The following DENND4A variants were observed in gnomAD, a reference collection of about 807,000 sequenced individuals.
The protein encoded by DENND4A is DENN domain containing 4A.
A neutral mutation model predicts 199.3 loss-of-function variants in DENND4A; 70 were observed. The observed-to-expected ratio is 0.35, with a 90% CI of 0.29 to 0.43. DENND4A has a LOEUF of 0.43. DENND4A is among the 20% of genes least tolerant of loss of function. The pLI is 1.00. For missense variants in DENND4A, 1,723 were observed against 2,255.8 expected (o/e 0.76, Z 4.78); for synonymous variants, 686 against 766.9 (o/e 0.89, Z 1.74).
At chr15:65,704,294 A>G (rs1311389520) in intron 15 of DENND4A, among the ~76,000 whole-genome samples, 2 of 152,254 alleles carry the variant, frequency 1.3e-5, no homozygotes, top group Non-Finnish European at 2.9e-5. Flanking sequence ...GGTAATGATT[A>G]TACCAAAATT....
chr15:65,764,391 G>A (rs1438035082), intron 1 of DENND4A, among the ~76,000 whole-genome samples: 1 of 152,170 alleles, frequency 6.6e-6, no homozygotes, highest in Non-Finnish European at 1.5e-5. Flanking sequence ...AGCACTCTGG[G>A]AGGCAGAGGT....
chr15:65,752,466 G>A lies in DENND4A; in HGVS notation c.474C>T (p.Val158=), dbSNP rs1486357272. 1.2e-6 allele frequency: 2 copies of A among 1,613,502 alleles called. No individual in the cohort carries two copies. ...SENMTQNTLA[V]TDICIIIPSK... ...TGGGTATAATAATACATATGTCAGT[G>A]ACAGCCAACGTATTCTGAGTCATGT... Residue 158 remains valine, a synonymous_variant, in exon 4 of 33, where the codon GTC becomes GTT. Transcript: ENST00000443035.
intron 1 of DENND4A, among the ~76,000 whole-genome samples, chr15:65,769,419 A>G (rs1213607463): frequency 6.6e-6 from 1 of 152,218 alleles, no homozygotes; most frequent in African/African-American, 2.4e-5. Flanking sequence ...ATACAACTAT[A>G]TGAAAACTAT....
intron 14 of DENND4A, among the ~76,000 whole-genome samples, chr15:65,714,542 C>T (rs1308962076): frequency 6.6e-6 from 1 of 152,152 alleles, no homozygotes; most frequent in East Asian, 1.9e-4. Context: ...ACTTCTTCAC[C>T]TTAATGTGGT....
intron 1 of DENND4A, among the ~76,000 whole-genome samples, chr15:65,787,022 TATAA>T (rs1193451906): frequency 6.6e-6 from 1 of 152,196 alleles, no homozygotes; most frequent in Non-Finnish European, 1.5e-5. Flanking sequence ...ATAACTATGA[TATAA>T]ATAGTTATTT....
At chr15:65,698,073 G>A (rs763977943) in intron 20 of DENND4A, among the ~76,000 whole-genome samples, 2 of 151,972 alleles carry the variant, frequency 1.3e-5, no homozygotes, top group Non-Finnish European at 2.9e-5. Flanking sequence ...GCAACACAGT[G>A]AGACCTCATC....
chr15:65,774,818 T>C (rs1164470888), intron 1 of DENND4A, among the ~76,000 whole-genome samples: 2 of 141,924 alleles, frequency 1.4e-5, no homozygotes, highest in Non-Finnish European at 3.1e-5. Flanking sequence ...TTATTTTTGC[T>C]TTTTTTAAAA....
At chr15:65,692,335 T>C (rs973342362) in intron 22 of DENND4A, among the ~76,000 whole-genome samples, 2 of 152,224 alleles carry the variant, frequency 1.3e-5, no homozygotes, top group Admixed American at 1.3e-4. Context: ...TACTGTTCAC[T>C]GTTTTCTACC....
At chr15:65,726,125 A>T (rs1198428739) in intron 11 of DENND4A, 2 of 152,212 alleles carry the variant, frequency 1.3e-5, no homozygotes, top group Non-Finnish European at 2.9e-5. Context: ...AAAAATAGTA[A>T]GTAGGAAGAC....
intron 12 of DENND4A, among the ~76,000 whole-genome samples, chr15:65,718,595 T>C (rs1217404022): frequency 2.0e-5 from 3 of 151,788 alleles, no homozygotes; most frequent in Non-Finnish European, 4.4e-5. Context: ...AGGAGAATAA[T>C]AAAAAAGGAA....
chr15:65,670,455 A>G (rs901393643), intron 25 of DENND4A, among the ~76,000 whole-genome samples: 1 of 152,194 alleles, frequency 6.6e-6, no homozygotes, highest in African/African-American at 2.4e-5. Flanking sequence ...GGTTTTATTA[A>G]TGGAAAAGTA....
In DENND4A at chr15:65,660,062, A is replaced by G. The variant is rs772868359; in HGVS notation, c.*1789T>C. The G allele has an allele frequency of 1.5e-5, 7 of 468,708 alleles. No homozygotes were observed. Among genetic ancestry groups the G allele is most frequent in the Non-Finnish European group, 2.3e-5 (6 of 264,266 alleles). The allele number at this position is 468,708 out of a possible 1,614,324, so 29.0% of individuals were successfully genotyped here. A position where few individuals can be genotyped will look rare whatever the true frequency, so the allele number is the denominator to read the frequency against. ...AGTGCCAAAAGCCTCCCCCCTCTGA[A>G]ATGTTTCTCTCAGTTGACAACTTTC... On this transcript the variant is annotated 3_prime_UTR_variant, in exon 33 of 33. Transcript: ENST00000443035.
At chr15:65,687,575 A>C (rs57311285) in intron 23 of DENND4A, among the ~76,000 whole-genome samples, 7,140 of 152,162 alleles carry the variant, frequency 0.047, 578 homozygotes, top group African/African-American at 0.16. Flanking sequence ...CTCATGAATT[A>C]TTTTATCTGA....
At chr15:65,773,502 C>A (rs1288792254) in intron 1 of DENND4A, among the ~76,000 whole-genome samples, 1 of 152,164 alleles carries the variant, frequency 6.6e-6, no homozygotes, top group Middle Eastern at 3.2e-3. Flanking sequence ...AAAAGAACGA[C>A]ACCATCTAAA....
chr15:65,672,726 C>T (rs533395417), intron 24 of DENND4A, among the ~76,000 whole-genome samples: 2 of 151,876 alleles, frequency 1.3e-5, no homozygotes, highest in South Asian at 4.2e-4. Context: ...ACAATAACAA[C>T]GAAAAAGTAA....
chr15:65,772,076 G>T, intron 1 of DENND4A: 2 of 1,186,912 alleles, frequency 1.7e-6, no homozygotes. Context: ...TCTCGCGGTT[G>T]CCAGCATTCA....
In DENND4A at chr15:65,690,746, T is replaced by C; in HGVS notation, c.3848A>G (p.Lys1283Arg). 1.2e-6 allele frequency: 2 copies of C among 1,613,596 alleles called. No homozygotes were observed. Among genetic ancestry groups the C allele is most frequent in the East Asian group, 2.2e-5 (1 of 44,876 alleles). ...GCATGCCTTGACCAATGGTGGACTT[T>C]TCTTATTTAATTTATCATCACATGC... ...QRACDDKLNK[K>R]SPPLVKACRR... is the part of the protein sequence containing the mutation. Residue 1283 changes from lysine (K) to arginine (R), a missense_variant, in exon 23 of 33, where the codon AAA becomes AGA. This residue lies in a region of DENND4A where 650 missense variants were observed against 738.1 expected (regional missense o/e 0.88). Coordinates refer to ENST00000443035, the MANE Select transcript of DENND4A (RefSeq NM_001320835.1).
intron 22 of DENND4A, among the ~76,000 whole-genome samples, chr15:65,694,141 A>G (rs569476585): frequency 6.6e-6 from 1 of 152,316 alleles, no homozygotes; most frequent in Admixed American, 6.5e-5. Flanking sequence ...ATTTATCAAA[A>G]CATTAAATTC....
intron 15 of DENND4A, 43 bp downstream of exon 15, chr15:65,706,048 T>C (rs1203596388): frequency 3.4e-6 from 5 of 1,461,560 alleles, no homozygotes; most frequent in African/African-American, 1.4e-5. Context: ...AGATGATGGA[T>C]TGCTTCTCTC....
Sources: gnomAD v4.1 joint callset for allele counts (sites outside exome capture counted in the v4.1 genomes callset) on GRCh38, gnomAD v4.1.1 for gene constraint, gnomAD v4.1.1 regional missense constraint, MANE v1.5 for transcripts, NCBI Gene and HGNC (gene_info 2026-07-23, HGNC 2026-07-21) for gene names.